Variants in DLG2 observed in about 807,000 individuals in gnomAD.
DLG2 encodes discs large MAGUK scaffold protein 2, also known as disks large homolog 2.
DLG2 carries 45 observed loss-of-function variants against 132.5 expected under a neutral mutation model. That is an observed-to-expected ratio of 0.34 (90% CI 0.27 to 0.44). DLG2 has a LOEUF of 0.44. DLG2 is among the 20% of genes least tolerant of loss of function. The probability of loss-of-function intolerance (pLI) is 1.00; values close to 1 mark genes in which losing one functional copy is unlikely to be tolerated. For missense variants in DLG2, 1,045 were observed against 1,196.9 expected (o/e 0.87, Z 1.87); for synonymous variants, 424 against 419.6 (o/e 1.01, Z -0.13).
chr11:84,966,931 TG>T (rs1350483747), intron 6 of DLG2, among the ~76,000 whole-genome samples: 3 of 152,088 alleles, frequency 2.0e-5, no homozygotes, highest in Non-Finnish European at 4.4e-5. Context: ...GTAATTAAAC[TG>T]AGGGAAATAG....
At chr11:83,619,229 A>T (rs1190483318) in intron 19 of DLG2, among the ~76,000 whole-genome samples, 1 of 152,154 alleles carries the variant, frequency 6.6e-6, no homozygotes, top group African/African-American at 2.4e-5. Flanking sequence ...TCAAAGATCT[A>T]CTCACTGACC....
At chr11:84,928,950 T>C (rs986542993) in intron 6 of DLG2, among the ~76,000 whole-genome samples, 1 of 133,074 alleles carries the variant, frequency 7.5e-6, no homozygotes, top group African/African-American at 2.9e-5. Context: ...CTTATAATAC[T>C]CTCTGATATG....
chr11:84,931,370 G>A (rs184851638), intron 6 of DLG2, among the ~76,000 whole-genome samples: 6 of 151,938 alleles, frequency 3.9e-5, no homozygotes, highest in South Asian at 4.2e-4. Flanking sequence ...CTATGTGTCC[G>A]TGTTTTCTCA....
At chr11:83,795,556 C>A (rs1362390010) in intron 17 of DLG2, among the ~76,000 whole-genome samples, 1 of 151,930 alleles carries the variant, frequency 6.6e-6, no homozygotes, top group African/African-American at 2.4e-5. Context: ...GAAATTTGAG[C>A]ACTTTTAGTT....
intron 7 of DLG2, among the ~76,000 whole-genome samples, chr11:84,332,302 C>G (rs1371316082): frequency 6.6e-6 from 1 of 151,366 alleles, no homozygotes; most frequent in Non-Finnish European, 1.5e-5. Flanking sequence ...AGCTCCGCCT[C>G]CCGGGTTCAC....
chr11:84,043,013 T>C (rs2096133699), intron 11 of DLG2, among the ~76,000 whole-genome samples: 1 of 151,876 alleles, frequency 6.6e-6, no homozygotes, highest in African/African-American at 2.4e-5. Flanking sequence ...TTTAGTTGAC[T>C]ACTGCTTATA....
At chr11:84,738,793 A>G (rs2064202818) in intron 6 of DLG2, among the ~76,000 whole-genome samples, 1 of 152,212 alleles carries the variant, frequency 6.6e-6, no homozygotes, top group African/African-American at 2.4e-5. Context: ...AAGAGAAATG[A>G]AAACATATGT....
intron 19 of DLG2, among the ~76,000 whole-genome samples, chr11:83,558,210 T>C (rs1256569212): frequency 6.6e-6 from 1 of 152,224 alleles, no homozygotes; most frequent in African/African-American, 2.4e-5. Flanking sequence ...TCTCTTTCAT[T>C]CCTCTCAACT....
chr11:85,164,229 GAGT>G (rs1451191398), intron 4 of DLG2, among the ~76,000 whole-genome samples: 3 of 152,008 alleles, frequency 2.0e-5, no homozygotes, highest in Non-Finnish European at 4.4e-5. Context: ...CATAAAAGGG[GAGT>G]TTTTCAATGC....
chr11:85,400,235 C>T (rs1015553119), intron 3 of DLG2, among the ~76,000 whole-genome samples: 9 of 151,532 alleles, frequency 5.9e-5, no homozygotes, highest in South Asian at 4.2e-4. Flanking sequence ...CAATGAGATA[C>T]CATCTCACAC....
chr11:85,238,483 A>G (rs1454554994), intron 4 of DLG2, among the ~76,000 whole-genome samples: 4 of 151,952 alleles, frequency 2.6e-5, no homozygotes, highest in Non-Finnish European at 4.4e-5. Context: ...ACCTCAGGCA[A>G]TCCACCTGCC....
chr11:85,159,164 A>G (rs2077838375), intron 4 of DLG2, among the ~76,000 whole-genome samples: 1 of 152,152 alleles, frequency 6.6e-6, no homozygotes, highest in Non-Finnish European at 1.5e-5. Flanking sequence ...ACTGACATCG[A>G]TTTCAGGGGA....
rs1268214678 is a variant in DLG2 at position 85,412,750 on chromosome 11, CACACACACACATATATAT to C, written c.41-127403_41-127386del. Among the ~76,000 whole-genome samples the C allele has an allele frequency of 6.7e-4, 93 of 139,396 alleles. 2 individuals are homozygous for C. In the South Asian group the frequency reaches 0.02, roughly 30 times the overall value. 91.4% of individuals were successfully genotyped at this position (139,396 alleles called of 152,430 possible). A position where few individuals can be genotyped will look rare whatever the true frequency, so the allele number is the denominator to read the frequency against. The stretch of plus-strand genomic sequence containing the variant: ...TCACACACACACACACACACACACA[CACACACACACATATATAT>C]ATATATATATATATATATCACAGTT... On this transcript the variant is annotated intron_variant, in intron 3 of 27. Coordinates refer to ENST00000376104, the MANE Select transcript of DLG2 (RefSeq NM_001142699.3).
chr11:83,866,801 C>T (rs1360855865), intron 16 of DLG2, among the ~76,000 whole-genome samples: 1 of 152,074 alleles, frequency 6.6e-6, no homozygotes, highest in East Asian at 1.9e-4. Flanking sequence ...TCTGTGGCAG[C>T]CCTACAAGGT....
chr11:85,080,592 T>C (rs2067109699), intron 6 of DLG2, among the ~76,000 whole-genome samples: 1 of 152,134 alleles, frequency 6.6e-6, no homozygotes, highest in African/African-American at 2.4e-5. Flanking sequence ...GAGGCTTCGG[T>C]TAACTTGAAT....
intron 18 of DLG2, among the ~76,000 whole-genome samples, chr11:83,663,198 G>A (rs1278177501): frequency 6.6e-6 from 1 of 152,128 alleles, no homozygotes; most frequent in Non-Finnish European, 1.5e-5. Context: ...TTACAGTTGT[G>A]GAATTGAGGC....
intron 6 of DLG2, among the ~76,000 whole-genome samples, chr11:85,103,011 T>C (rs2071124691): frequency 6.6e-6 from 1 of 151,976 alleles, no homozygotes; most frequent in South Asian, 2.1e-4. Flanking sequence ...AAAACAACTT[T>C]GTTTACAATA....
At chr11:84,699,409 C>G (rs2058968970) in intron 6 of DLG2, among the ~76,000 whole-genome samples, 1 of 151,422 alleles carries the variant, frequency 6.6e-6, no homozygotes, top group Admixed American at 6.6e-5. Context: ...AAAGAAAGCC[C>G]TTCTAAATAA....
chr11:83,549,212 C>T (rs1435898453), intron 19 of DLG2, among the ~76,000 whole-genome samples: 1 of 152,140 alleles, frequency 6.6e-6, no homozygotes, highest in Non-Finnish European at 1.5e-5. Flanking sequence ...TGCTCCATCC[C>T]ACTGTGCCTG....
Sources: allele counts gnomAD v4.1 joint callset (sites outside exome capture counted in the v4.1 genomes callset), GRCh38; gene constraint gnomAD v4.1.1; transcripts MANE v1.5; gene names NCBI Gene and HGNC (gene_info 2026-07-23, HGNC 2026-07-21).